The following HS6ST3 variants were observed in gnomAD, a reference collection of about 807,000 sequenced individuals.
The protein encoded by HS6ST3 is heparan sulfate 6-O-sulfotransferase 3.
HS6ST3 carries 12 observed loss-of-function variants against 36.7 expected under a neutral mutation model. That is an observed-to-expected ratio of 0.33 (90% CI 0.21 to 0.53). HS6ST3 has a LOEUF of 0.53. HS6ST3 is among the 20% of genes least tolerant of loss of function. HS6ST3 has a pLI of 0.95. For missense variants in HS6ST3, 584 were observed against 640.9 expected (o/e 0.91, Z 0.96); for synonymous variants, 240 against 257.5 (o/e 0.93, Z 0.65).
intron 1 of HS6ST3, among the ~76,000 whole-genome samples, chr13:96,171,861 T>C (rs968570958): frequency 4.6e-5 from 7 of 152,166 alleles, no homozygotes; most frequent in Admixed American, 2.6e-4. Context: ...TGGTTTCTTG[T>C]TGAGCCCTGC....
chr13:96,727,135 A>G (rs187163172), intron 1 of HS6ST3, among the ~76,000 whole-genome samples: 21 of 152,306 alleles, frequency 1.4e-4, no homozygotes, highest in Admixed American at 2.6e-4. Context: ...ACCTAATATT[A>G]TCTGTCAGAA....
Position 96,307,996 on chromosome 13 carries a change from G to A in HS6ST3, c.707+216427G>A, listed in dbSNP as rs61966901. 7.8e-3 allele frequency among the ~76,000 whole-genome samples: 1,194 copies of A among 152,164 alleles called. 7 individuals are homozygous for A. Among genetic ancestry groups the A allele is most frequent in the Non-Finnish European group, 0.012 (796 of 67,938 alleles). ...TAATTTATTTTAAAGAGAGAGAGAA[G>A]ATGAAGAGTCAAGGGTATCAATACT... is the stretch of plus-strand genomic sequence containing the variant. On this transcript the variant is annotated intron_variant, in intron 1 of 1. Transcript: ENST00000376705.
intron 1 of HS6ST3, among the ~76,000 whole-genome samples, chr13:96,589,055 GAAAAAAAAA>G (rs774694159): frequency 7.8e-5 from 4 of 51,434 alleles, no homozygotes; most frequent in Admixed American, 6.0e-4. Context: ...CATCTCAAGA[GAAAAAAAAA>G]AAAAAAAAAA....
chr13:96,654,504 A>C (rs2139014870), intron 1 of HS6ST3, among the ~76,000 whole-genome samples: 1 of 152,258 alleles, frequency 6.6e-6, no homozygotes, highest in South Asian at 2.1e-4. Context: ...GGTTTGTCAA[A>C]GCTCAGAAGG....
At chr13:96,277,240 T>G (rs1219703932) in intron 1 of HS6ST3, among the ~76,000 whole-genome samples, 1 of 152,230 alleles carries the variant, frequency 6.6e-6, no homozygotes, top group African/African-American at 2.4e-5. Flanking sequence ...ATTCCTTGAA[T>G]AGCACAGTCT....
intron 1 of HS6ST3, among the ~76,000 whole-genome samples, chr13:96,578,815 G>A (rs2056331095): frequency 6.6e-6 from 1 of 151,996 alleles, no homozygotes. Flanking sequence ...CACCGGGCCC[G>A]GCCAGTAGCC....
At chr13:96,785,653 AC>A (rs1877630013) in intron 1 of HS6ST3, among the ~76,000 whole-genome samples, 1 of 151,962 alleles carries the variant, frequency 6.6e-6, no homozygotes, top group South Asian at 2.1e-4. Context: ...ATGGGCTGGA[AC>A]AACAACAACA....
intron 1 of HS6ST3, among the ~76,000 whole-genome samples, chr13:96,574,801 T>C (rs2056314918): frequency 1.3e-5 from 2 of 152,096 alleles, no homozygotes; most frequent in East Asian, 3.9e-4. Flanking sequence ...TGTCTGGTAT[T>C]TGCCACATGG....
chr13:96,593,058 GCCAA>G (rs1282556378), intron 1 of HS6ST3, among the ~76,000 whole-genome samples: 1 of 151,234 alleles, frequency 6.6e-6, no homozygotes, highest in East Asian at 1.9e-4. Flanking sequence ...CCTCTTTAAG[GCCAA>G]TAACTCTTAG....
At chr13:96,091,598 T>TGGGGCCCC in intron 1 of HS6ST3, 29 bp downstream of exon 1, 1 of 1,488,702 alleles carries the variant, frequency 6.7e-7, no homozygotes, top group Non-Finnish European at 9.0e-7. Context: ...TCTCTGTTCT[T>TGGGGCCCC]CCCCCCCACC....
At chr13:96,497,310 AG>A (rs1368958983) in intron 1 of HS6ST3, among the ~76,000 whole-genome samples, 1 of 152,172 alleles carries the variant, frequency 6.6e-6, no homozygotes, top group Admixed American at 6.5e-5. Context: ...TGAACTTAAA[AG>A]GTTGGTCCTG....
At chr13:96,588,224 T>C (rs2056369180) in intron 1 of HS6ST3, among the ~76,000 whole-genome samples, 1 of 152,024 alleles carries the variant, frequency 6.6e-6, no homozygotes, top group Non-Finnish European at 1.5e-5. Context: ...CACCTTTTTT[T>C]TTCTTGCTTA....
intron 1 of HS6ST3, among the ~76,000 whole-genome samples, chr13:96,130,370 A>G (rs750456280): frequency 6.6e-6 from 1 of 152,156 alleles, no homozygotes; most frequent in East Asian, 1.9e-4. Context: ...GTTGGCAACT[A>G]TTCTGAGTTG....
At chr13:96,208,794 G>A (rs2054384642) in intron 1 of HS6ST3, among the ~76,000 whole-genome samples, 1 of 152,124 alleles carries the variant, frequency 6.6e-6, no homozygotes, top group Non-Finnish European at 1.5e-5. Context: ...AAAAGGGTAC[G>A]AGGTGAAAGA....
intron 1 of HS6ST3, among the ~76,000 whole-genome samples, chr13:96,168,185 A>T (rs1181764909): frequency 6.6e-6 from 1 of 152,102 alleles, no homozygotes; most frequent in African/African-American, 2.4e-5. Flanking sequence ...TCTCTAGGGC[A>T]TGTATGGAGG....
intron 1 of HS6ST3, among the ~76,000 whole-genome samples, chr13:96,704,272 G>A (rs1180411065): frequency 6.6e-6 from 1 of 152,148 alleles, no homozygotes; most frequent in Non-Finnish European, 1.5e-5. Flanking sequence ...TTCCTATAGT[G>A]TCTGTCTCCT....
intron 1 of HS6ST3, among the ~76,000 whole-genome samples, chr13:96,261,738 T>A (rs1273786672): frequency 6.6e-6 from 1 of 152,176 alleles, no homozygotes; most frequent in African/African-American, 2.4e-5. Flanking sequence ...GTGTGGCAAT[T>A]GGTGTAAAGA....
intron 1 of HS6ST3, among the ~76,000 whole-genome samples, chr13:96,771,903 GA>G (rs891645664): frequency 1.3e-5 from 2 of 152,226 alleles, no homozygotes; most frequent in Admixed American, 1.3e-4. Flanking sequence ...TAACAAGGAT[GA>G]GCAGGGATGA....
intron 1 of HS6ST3, among the ~76,000 whole-genome samples, chr13:96,360,983 G>T (rs1390882832): frequency 1.3e-5 from 2 of 151,470 alleles, no homozygotes; most frequent in African/African-American, 2.4e-5. Context: ...AGGCAAAAGG[G>T]CATTTTTCTA....
Sources: gnomAD v4.1 joint callset for allele counts (sites outside exome capture counted in the v4.1 genomes callset) on GRCh38, gnomAD v4.1.1 for gene constraint, MANE v1.5 for transcripts, NCBI Gene and HGNC (gene_info 2026-07-23, HGNC 2026-07-21) for gene names.